The following TTLL11 variants were observed in gnomAD, a reference collection of about 807,000 sequenced individuals.
TTLL11 encodes the protein tubulin polyglutamylase TTLL11.
A neutral mutation model predicts 51.7 loss-of-function variants in TTLL11; 42 were observed. The observed-to-expected ratio is 0.81, with a 90% CI of 0.64 to 1.05. The LOEUF (loss-of-function observed/expected upper bound fraction) is 1.05, where lower values mean the gene tolerates loss of function less well. Ranked by LOEUF, TTLL11 falls within the 50% of genes least tolerant of loss-of-function variation. TTLL11 has a pLI of 0.00. For synonymous variants in TTLL11, 381 were observed against 383.5 expected (o/e 0.99, Z 0.08); for missense variants, 799 against 940.4 (o/e 0.85, Z 1.97).
At chr9:121,831,298 C>T (rs1345047281) in intron 8 of TTLL11, among the ~76,000 whole-genome samples, 1 of 152,240 alleles carries the variant, frequency 6.6e-6, no homozygotes, top group Non-Finnish European at 1.5e-5. Flanking sequence ...GCATTTGTAA[C>T]AGCAGCGTTG....
At chr9:121,892,683 CT>C (rs1410022348) in intron 6 of TTLL11, among the ~76,000 whole-genome samples, 1 of 152,212 alleles carries the variant, frequency 6.6e-6, no homozygotes, top group Non-Finnish European at 1.5e-5. Context: ...TACTGTCCCC[CT>C]GAATGAATGA....
At chr9:121,909,767 C>T (rs1454257378) in intron 6 of TTLL11, among the ~76,000 whole-genome samples, 2 of 152,182 alleles carry the variant, frequency 1.3e-5, no homozygotes, top group Non-Finnish European at 2.9e-5. Flanking sequence ...GCACTCAGCT[C>T]CCGCAGAGCA....
chr9:121,957,558 G>A (rs1336253417), intron 6 of TTLL11, among the ~76,000 whole-genome samples: 1 of 152,196 alleles, frequency 6.6e-6, no homozygotes, highest in Admixed American at 6.5e-5. Flanking sequence ...CCCCTGCCTT[G>A]TGCCCTGCGT....
chr9:121,965,445 T>C (rs1842371311), intron 6 of TTLL11, among the ~76,000 whole-genome samples: 1 of 152,126 alleles, frequency 6.6e-6, no homozygotes, highest in Non-Finnish European at 1.5e-5. Flanking sequence ...TCACATCTCA[T>C]GAGAATTCAC....
At chr9:121,823,508 T>C (rs1836648282) in intron 8 of TTLL11, among the ~76,000 whole-genome samples, 1 of 152,186 alleles carries the variant, frequency 6.6e-6, no homozygotes, top group Non-Finnish European at 1.5e-5. Context: ...ATCGTGTCAC[T>C]GTACTCCAGC....
rs1342981942 is a variant in TTLL11, at chr9:121,815,695, G to A, written c.*6892C>T. 1 of 152,248 alleles carries A rather than the reference G, an allele frequency of 6.6e-6. No homozygotes were observed. The highest frequency in any genetic ancestry group is 1.5e-5 in the Non-Finnish European group (1 of 68,044). 9.4% of individuals were successfully genotyped at this position (152,248 alleles called of 1,614,324 possible). ...GCAGTCGTTTATACAATGAGCCTGT[G>A]TTTAGCAACACTCAGCTTCGTTTTA... On this transcript the variant is annotated 3_prime_UTR_variant, in exon 9 of 9. Transcript: ENST00000321582.
At chr9:121,827,985 C>T (rs1240410475) in intron 8 of TTLL11, among the ~76,000 whole-genome samples, 1 of 152,186 alleles carries the variant, frequency 6.6e-6, no homozygotes, top group Non-Finnish European at 1.5e-5. Context: ...CCAGGCAGAA[C>T]TGGGGCTTTC....
intron 8 of TTLL11, among the ~76,000 whole-genome samples, chr9:121,833,994 T>C (rs6478531): frequency 0.67 from 102,112 of 152,054 alleles, 35,369 homozygotes; most frequent in African/African-American, 0.85. Context: ...GTTTCTGTCT[T>C]ATCGTACAAT....
At chr9:121,929,127 CCACA>C (rs898574246) in intron 6 of TTLL11, among the ~76,000 whole-genome samples, 1 of 152,068 alleles carries the variant, frequency 6.6e-6, no homozygotes, top group Non-Finnish European at 1.5e-5. Context: ...GGCCCCCAAA[CCACA>C]CAAACTTTCC....
intron 3 of TTLL11, among the ~76,000 whole-genome samples, chr9:122,027,176 C>T (rs376894866): frequency 6.6e-6 from 1 of 152,118 alleles, no homozygotes; most frequent in Non-Finnish European, 1.5e-5. Context: ...GGAGGTGCTA[C>T]ACACTTTTAA....
chr9:122,039,259 TA>T lies in TTLL11; in HGVS notation c.559+12del. The T allele has an allele frequency of 6.2e-7, 1 of 1,609,294 alleles. No homozygotes were observed. The highest frequency in any genetic ancestry group is 1.1e-5 in the South Asian group (1 of 90,890). On this transcript the variant is annotated intron_variant, in intron 2 of 8. Transcript: ENST00000321582. The stretch of plus-strand genomic sequence containing the variant: ...TAGAAACATGTTTAAATGTCAACAA[TA>T]ACAGCAGATACCTGGAAACTTGTTC...
At chr9:121,939,697 AT>A (rs1224626803) in intron 6 of TTLL11, among the ~76,000 whole-genome samples, 3 of 152,262 alleles carry the variant, frequency 2.0e-5, no homozygotes, top group Admixed American at 6.5e-5. Flanking sequence ...TTTCATAATA[AT>A]TTTTTTGTAA....
chr9:121,884,120 A>G (rs1838905472), intron 6 of TTLL11, among the ~76,000 whole-genome samples: 1 of 152,226 alleles, frequency 6.6e-6, no homozygotes, highest in African/African-American at 2.4e-5. Context: ...GCAGATGCAC[A>G]GACTGGGGTC....
chr9:122,010,725 C>CA (rs878966931), intron 3 of TTLL11, among the ~76,000 whole-genome samples: 1 of 152,218 alleles, frequency 6.6e-6, no homozygotes, highest in Admixed American at 6.5e-5. Context: ...TTCCATATCA[C>CA]ATCTGTTTAC....
At chr9:121,895,267 C>G (rs1489918391) in intron 6 of TTLL11, among the ~76,000 whole-genome samples, 1 of 151,726 alleles carries the variant, frequency 6.6e-6, no homozygotes, top group Non-Finnish European at 1.5e-5. Context: ...GTGTGTGTGT[C>G]TGTGTGAGCT....
intron 1 of TTLL11, among the ~76,000 whole-genome samples, chr9:122,057,535 C>T (rs56255242): frequency 0.044 from 6,670 of 152,058 alleles, 301 homozygotes; most frequent in Admixed American, 0.12. Flanking sequence ...CCATGTTGGC[C>T]GGGGTGGTCT....
chr9:121,934,753 T>C (rs1478309401), intron 6 of TTLL11, among the ~76,000 whole-genome samples: 1 of 152,206 alleles, frequency 6.6e-6, no homozygotes, highest in Admixed American at 6.5e-5. Flanking sequence ...AGAAGTGCTT[T>C]AGCCTACTTG....
intron 3 of TTLL11, among the ~76,000 whole-genome samples, chr9:122,013,495 G>A (rs1344172380): frequency 6.6e-6 from 1 of 152,156 alleles, no homozygotes. Flanking sequence ...GGCGGCAAGG[G>A]CAACAGTCAA....
At chr9:122,032,797 CTTTTTTTTTT>C (rs11371856) in intron 2 of TTLL11, among the ~76,000 whole-genome samples, 4 of 138,634 alleles carry the variant, frequency 2.9e-5, no homozygotes, top group African/African-American at 1.1e-4. Flanking sequence ...TTCATTTTTT[CTTTTTTTTTT>C]TTTTTGAAAC....
Sources: gnomAD v4.1 joint callset for allele counts (sites outside exome capture counted in the v4.1 genomes callset) on GRCh38, gnomAD v4.1.1 for gene constraint, MANE v1.5 for transcripts, NCBI Gene and HGNC (gene_info 2026-07-23, HGNC 2026-07-21) for gene names.